Variants in PDLIM5 observed in about 807,000 individuals in gnomAD.
PDLIM5 encodes the protein PDZ and LIM domain 5.
Under a neutral mutation model 64.2 loss-of-function variants are expected in PDLIM5, and 34 were observed. That is an observed-to-expected ratio of 0.53 (90% CI 0.40 to 0.71). The LOEUF is 0.71. PDLIM5 is among the 30% of genes least tolerant of loss of function. The pLI is 0.00. For synonymous variants in PDLIM5, 253 were observed against 269.1 expected (o/e 0.94, Z 0.59); for missense variants, 683 against 733.6 (o/e 0.93, Z 0.80).
intron 9 of PDLIM5, among the ~76,000 whole-genome samples, chr4:94,650,196 T>G (rs1355230937): frequency 1.3e-5 from 2 of 152,208 alleles, no homozygotes; most frequent in Non-Finnish European, 2.9e-5. Flanking sequence ...TTTACTCTCT[T>G]CCTGCTTGTG....
intron 2 of PDLIM5, among the ~76,000 whole-genome samples, chr4:94,499,537 A>G (rs1026730391): frequency 2.0e-5 from 3 of 152,238 alleles, no homozygotes; most frequent in African/African-American, 4.8e-5. Flanking sequence ...AACAGTTTAC[A>G]TAGCATTTAC....
At chr4:94,600,035 C>T (rs1028453656) in intron 7 of PDLIM5, among the ~76,000 whole-genome samples, 3 of 152,070 alleles carry the variant, frequency 2.0e-5, no homozygotes, top group African/African-American at 7.2e-5. Flanking sequence ...CCAGGAGATG[C>T]TGGATGACCC....
chr4:94,611,113 G>T, intron 7 of PDLIM5: 1 of 1,533,860 alleles, frequency 6.5e-7, no homozygotes, highest in African/African-American at 1.4e-5. Context: ...GATGCACTTT[G>T]CATCAGCCCT....
At position 94,663,145 on chromosome 4, in the gene PDLIM5, G is replaced by A. The variant is rs539843508; in HGVS notation, c.1701+608G>A. Among the ~76,000 whole-genome samples, 3 of 152,168 alleles carry A rather than the reference G, an allele frequency of 2.0e-5. No homozygotes were observed. In the East Asian group the frequency reaches 5.8e-4, roughly 29 times the overall value. Reference sequence around the variant, plus strand: ...TGTAGGAAGTAAATATCCAGTAAACGTGCTCTGTTCAGGTGTTTGACTTTT... The same window carrying A: ...TGTAGGAAGTAAATATCCAGTAAACATGCTCTGTTCAGGTGTTTGACTTTT... On this transcript the variant is annotated intron_variant, in intron 12 of 12. Coordinates refer to ENST00000317968, the MANE Select transcript of PDLIM5 (RefSeq NM_006457.5).
chr4:94,555,330 C>T (rs1036990401), intron 3 of PDLIM5, among the ~76,000 whole-genome samples: 1 of 152,226 alleles, frequency 6.6e-6, no homozygotes, highest in African/African-American at 2.4e-5. Flanking sequence ...GCTGGGATTA[C>T]AGGCATGAGC....
intron 8 of PDLIM5, among the ~76,000 whole-genome samples, chr4:94,638,724 T>C (rs1375869001): frequency 6.6e-6 from 1 of 152,246 alleles, no homozygotes; most frequent in Non-Finnish European, 1.5e-5. Flanking sequence ...ACCTTTTCTC[T>C]TCCATTAGAT....
intron 8 of PDLIM5, among the ~76,000 whole-genome samples, chr4:94,622,840 T>G (rs1267024973): frequency 6.6e-6 from 1 of 151,956 alleles, no homozygotes; most frequent in African/African-American, 2.4e-5. Context: ...CCAGCTAATT[T>G]TTGTATTTTT....
intron 3 of PDLIM5, among the ~76,000 whole-genome samples, chr4:94,558,831 G>C (rs1017759485): frequency 6.6e-6 from 1 of 151,806 alleles, no homozygotes; most frequent in African/African-American, 2.4e-5. Context: ...TTGCAGGGAG[G>C]GGGGTTAGTA....
At chr4:94,495,709 A>C (rs1232717333) in intron 2 of PDLIM5, among the ~76,000 whole-genome samples, 1 of 152,338 alleles carries the variant, frequency 6.6e-6, no homozygotes, top group East Asian at 1.9e-4. Context: ...GGAGGCCCCC[A>C]GTGAGGAATG....
intron 2 of PDLIM5, among the ~76,000 whole-genome samples, chr4:94,487,580 A>G (rs1050420521): frequency 1.3e-5 from 2 of 152,316 alleles, no homozygotes; most frequent in Non-Finnish European, 2.9e-5. Context: ...TATTATATAC[A>G]TCCGAAAAGT....
intron 7 of PDLIM5, among the ~76,000 whole-genome samples, chr4:94,595,486 C>G (rs116220005): frequency 6.6e-6 from 1 of 152,330 alleles, no homozygotes; most frequent in African/African-American, 2.4e-5. Flanking sequence ...TGAAGGCCAT[C>G]AGAATGGAAT....
intron 3 of PDLIM5, among the ~76,000 whole-genome samples, chr4:94,568,619 G>C (rs1202603135): frequency 6.6e-6 from 1 of 150,928 alleles, no homozygotes; most frequent in Non-Finnish European, 1.5e-5. Context: ...GTGGACATGA[G>C]GCACAATGGG....
Position 94,523,712 on chromosome 4 carries a change from T to C in PDLIM5, c.97-12T>C, listed in dbSNP as rs1227398266. 6.2e-7 allele frequency: 1 copy of C among 1,604,760 alleles called. No homozygotes were observed. ...AAAGAGTGACACTCCTAATGAAATA[T>C]ATTTATTACAGCTAAAAGATGGCGG... On this transcript the variant is annotated splice_polypyrimidine_tract_variant and intron_variant, in intron 2 of 12. Transcript: ENST00000317968.
chr4:94,645,523 C>T (rs193142358), intron 9 of PDLIM5, among the ~76,000 whole-genome samples: 65 of 152,254 alleles, frequency 4.3e-4, no homozygotes, highest in Non-Finnish European at 5.4e-4. Flanking sequence ...GGGCTGGAAC[C>T]CATCTGCTTG....
intron 3 of PDLIM5, among the ~76,000 whole-genome samples, chr4:94,534,286 G>A (rs980701122): frequency 1.3e-5 from 2 of 152,040 alleles, no homozygotes; most frequent in South Asian, 4.2e-4. Context: ...TTAAAATCAA[G>A]TAAAATTACT....
intron 3 of PDLIM5, among the ~76,000 whole-genome samples, chr4:94,562,123 C>T (rs1294799289): frequency 1.3e-5 from 2 of 152,124 alleles, no homozygotes; most frequent in African/African-American, 4.8e-5. Flanking sequence ...CACTGCAATT[C>T]AGTGGACATT....
chr4:94,647,155 A>C (rs930912768), intron 9 of PDLIM5, among the ~76,000 whole-genome samples: 12 of 152,224 alleles, frequency 7.9e-5, no homozygotes, highest in Admixed American at 6.5e-4. Flanking sequence ...CTACTTTATC[A>C]GTAGGTTACA....
chr4:94,661,541 C>A (rs536955402), intron 11 of PDLIM5, among the ~76,000 whole-genome samples: 1 of 152,314 alleles, frequency 6.6e-6, no homozygotes, highest in South Asian at 2.1e-4. Context: ...GGGTTTTCAA[C>A]ATGAAGTCAT....
At chr4:94,460,831 ATTT>A (rs911081963) in intron 2 of PDLIM5, among the ~76,000 whole-genome samples, 3 of 152,104 alleles carry the variant, frequency 2.0e-5, no homozygotes, top group Admixed American at 2.0e-4. Flanking sequence ...TGAGCTTCTG[ATTT>A]TCTTTGATGT....
Sources: gnomAD v4.1 joint callset for allele counts (sites outside exome capture counted in the v4.1 genomes callset) on GRCh38, gnomAD v4.1.1 for gene constraint, MANE v1.5 for transcripts, NCBI Gene and HGNC (gene_info 2026-07-23, HGNC 2026-07-21) for gene names.